Variants in ZNF169 observed in about 807,000 individuals in gnomAD.
The protein encoded by ZNF169 is zinc finger protein 169.
In ZNF169, 11 loss-of-function variants were observed where a neutral mutation model predicts 12.0. That is an observed-to-expected ratio of 0.92 (90% CI 0.58 to 1.52). ZNF169 has a LOEUF of 1.52. ZNF169 is among the 40% of genes most tolerant of loss of function. The pLI, the probability that ZNF169 is intolerant of heterozygous loss-of-function variation, is 0.00. For synonymous variants in ZNF169, 302 were observed against 286.5 expected (o/e 1.05, Z -0.55); for missense variants, 722 against 744.0 (o/e 0.97, Z 0.34).
At chr9:94,299,573 T>G in intron 4 of ZNF169, 1 of 1,354,980 alleles carries the variant, frequency 7.4e-7, no homozygotes, top group Non-Finnish European at 9.4e-7. Flanking sequence ...AAGATAAATG[T>G]GTAACTCTAC....
chr9:94,297,149 T>C (rs1471242433), intron 4 of ZNF169, among the ~76,000 whole-genome samples: 1 of 150,040 alleles, frequency 6.7e-6, no homozygotes, highest in Non-Finnish European at 1.5e-5. Context: ...AATCAGCTTG[T>C]CAGTTTTTAA....
intron 2 of ZNF169, chr9:94,287,615 C>T (rs1253300297): frequency 1.4e-5 from 8 of 572,858 alleles, no homozygotes; most frequent in East Asian, 1.2e-4. Context: ...CCGCCTGCCT[C>T]AGCCTCCCAA....
At chr9:94,287,065 A>G (rs886298852) in intron 2 of ZNF169, among the ~76,000 whole-genome samples, 11 of 152,302 alleles carry the variant, frequency 7.2e-5, no homozygotes, top group African/African-American at 2.6e-4. Flanking sequence ...AATTTCATTC[A>G]TTTACTCAAT....
In ZNF169 at chr9:94,301,115, T is replaced by A; in HGVS notation, c.1557T>A (p.Cys519Ter). Residue 519 changes from cysteine (C) to a stop codon, truncating the protein, a stop_gained, in exon 5 of 5, where the codon TGT becomes TGA. Transcript: ENST00000395395. LOFTEE classifies it low-confidence loss of function (END_TRUNC). ...AGGAGCTTTACGTAGACAGGGTGTG[T>A]GGACAAGGACTTGGCCAGAAGTCAC... ...SEEELYVDRV[C>*]GQGLGQKSHL... is the part of the protein sequence containing the mutation. The A allele has an allele frequency of 6.2e-7, 1 of 1,614,098 alleles. No homozygotes were observed. Among genetic ancestry groups the A allele is most frequent in the South Asian group, 1.1e-5 (1 of 91,082 alleles).
chr9:94,285,974 G>T (rs1047862419), intron 2 of ZNF169, among the ~76,000 whole-genome samples: 16 of 152,150 alleles, frequency 1.1e-4, no homozygotes, highest in African/African-American at 3.9e-4. Flanking sequence ...TCACACCATT[G>T]CACTCCAGCC....
chr9:94,278,738 C>A lies in ZNF169; in HGVS notation c.-55-20C>A. On this transcript the variant is annotated intron_variant, in intron 1 of 4. Transcript: ENST00000395395. ...GTGTTCTTCCCAAGTACCTCTCTCA[C>A]TTCTCATCTCTTTCCCCAGATTTGC... 1 of 1,456,018 alleles carries A rather than the reference C, an allele frequency of 6.9e-7. No individual in the cohort carries two copies. Among genetic ancestry groups the A allele is most frequent in the Non-Finnish European group, 9.6e-7 (1 of 1,041,228 alleles). The allele number at this position is 1,456,018 out of a possible 1,614,324, so 90.2% of individuals were successfully genotyped here. A position where few individuals can be genotyped will look rare whatever the true frequency, so the allele number is the denominator to read the frequency against.
intron 3 of ZNF169, chr9:94,292,740 AAGG>A (rs1830870920): frequency 3.3e-6 from 2 of 615,268 alleles, no homozygotes; most frequent in Non-Finnish European, 5.7e-6. Flanking sequence ...CCTCCTTCAA[AAGG>A]AGGAATATTT....
chr9:94,281,705 A>T (rs1830635951), intron 2 of ZNF169, among the ~76,000 whole-genome samples: 2 of 152,206 alleles, frequency 1.3e-5, no homozygotes, highest in South Asian at 4.1e-4. Context: ...CACTTAAGAA[A>T]TACATTGGTT....
intron 1 of ZNF169, among the ~76,000 whole-genome samples, chr9:94,276,945 T>A (rs11792912): frequency 6.6e-6 from 1 of 151,950 alleles, no homozygotes; most frequent in Admixed American, 6.6e-5. Context: ...AGATTTATTG[T>A]GAGCCAAATA....
intron 4 of ZNF169, among the ~76,000 whole-genome samples, chr9:94,296,340 C>A (rs1330677534): frequency 2.6e-5 from 4 of 152,080 alleles, no homozygotes; most frequent in African/African-American, 4.8e-5. Context: ...CTTAATAGTG[C>A]CTTTCAAAGA....
chr9:94,272,193 G>A (rs1830436313), intron 1 of ZNF169, among the ~76,000 whole-genome samples: 1 of 151,428 alleles, frequency 6.6e-6, no homozygotes, highest in Non-Finnish European at 1.5e-5. Flanking sequence ...TTGGAAATTT[G>A]TCTTTTTAAA....
chr9:94,284,241 G>A (rs866704686), intron 2 of ZNF169, among the ~76,000 whole-genome samples: 8 of 151,154 alleles, frequency 5.3e-5, no homozygotes, highest in Non-Finnish European at 1.0e-4. Context: ...CCTGGCCAAC[G>A]TGGAGGAACC....
intron 1 of ZNF169, among the ~76,000 whole-genome samples, chr9:94,272,122 T>C (rs1242651099): frequency 6.6e-6 from 1 of 152,104 alleles, no homozygotes; most frequent in African/African-American, 2.4e-5. Context: ...AATAAGAATC[T>C]CTTATTGTCC....
rs566194846 is a variant in ZNF169 at position 94,299,147 on chromosome 9, C to T, written c.257-668C>T. Among the ~76,000 whole-genome samples the T allele has an allele frequency of 2.0e-5, 3 of 152,300 alleles. No individual in the cohort carries two copies. In the South Asian group the frequency reaches 6.2e-4, roughly 32 times the overall value. ...TACTTGGCTGCAGTCTTCCCAGAGG[C>T]TAGAGGACAGCACCTTCATTTGCCC... On this transcript the variant is annotated intron_variant, in intron 4 of 4. Transcript: ENST00000395395.
intron 1 of ZNF169, among the ~76,000 whole-genome samples, chr9:94,278,345 A>G (rs748199533): frequency 7.2e-5 from 11 of 152,158 alleles, no homozygotes; most frequent in Non-Finnish European, 1.5e-4. Context: ...CTCCCTCAAA[A>G]CCAGGAACTT....
At position 94,301,341 on chromosome 9, in the gene ZNF169, C is replaced by T. The variant is rs995663053; in HGVS notation, c.1783C>T (p.His595Tyr). ...LHRHRRTKSGHQLLPQEVF is the reference protein window; with the variant it reads ...LHRHRRTKSGYQLLPQEVF ...TAGACACAGGAGGACCAAGTCTGGT[C>T]ATCAGCTCCTACCCCAAGAGGTCTT... Residue 595 changes from histidine to tyrosine, a missense_variant, in exon 5 of 5, where the codon CAT becomes TAT. His to Tyr is a moderately conservative substitution (Grantham distance 83, BLOSUM62 2). Coordinates refer to ENST00000395395, the MANE Select transcript of ZNF169 (RefSeq NM_194320.4). 2 of 1,613,500 alleles carry T rather than the reference C, an allele frequency of 1.2e-6. No homozygotes were observed. Among genetic ancestry groups the T allele is most frequent in the African/African-American group, 1.3e-5 (1 of 75,028 alleles).
rs970713157 is a variant in ZNF169, at chr9:94,263,245, C to T, written c.-56+3900C>T. ...TCGAGTTCTGTCAATTTTTGCTTCA[C>T]GTATTTTGAAGCATTGTTATTATAA... On this transcript the variant is annotated intron_variant, in intron 1 of 4. Transcript: ENST00000395395. 2.6e-5 allele frequency among the ~76,000 whole-genome samples: 4 copies of T among 152,182 alleles called. No individual in the cohort carries two copies. In the East Asian group the frequency reaches 5.8e-4, roughly 22 times the overall value.
Position 94,287,811 on chromosome 9 carries a change from T to C in ZNF169, c.34-4530T>C, listed in dbSNP as rs984506967. ...GATACCTGGCTTTAGGGTTTGATTG[T>C]ATCCTAAACCTCTCAGGCTGGAGTT... On this transcript the variant is annotated intron_variant, in intron 2 of 4. Transcript: ENST00000395395. 6 of 1,157,248 alleles carry C rather than the reference T, an allele frequency of 5.2e-6. No individual in the cohort carries two copies. In the African/African-American group the frequency reaches 7.6e-5, roughly 15 times the overall value. The allele number at this position is 1,157,248 out of a possible 1,614,324, so 71.7% of individuals were successfully genotyped here. A position where few individuals can be genotyped will look rare whatever the true frequency, so the allele number is the denominator to read the frequency against.
At chr9:94,292,607 T>TTG (rs138361295) in intron 3 of ZNF169, 140 bp downstream of exon 3, 593 of 678,730 alleles carry the variant, frequency 8.7e-4, no homozygotes, top group African/African-American at 4.1e-3. Context: ...CACAGTGCAG[T>TTG]TGTGTGTGTG....
Sources: allele counts gnomAD v4.1 joint callset (sites outside exome capture counted in the v4.1 genomes callset), GRCh38; gene constraint gnomAD v4.1.1; transcripts MANE v1.5; gene names NCBI Gene and HGNC (gene_info 2026-07-23, HGNC 2026-07-21).